The following SEMA3A variants were observed in gnomAD, a reference collection of about 807,000 sequenced individuals.
The protein encoded by SEMA3A is semaphorin-3A.
Under a neutral mutation model 97.9 loss-of-function variants are expected in SEMA3A, and 29 were observed. That is an observed-to-expected ratio of 0.30 (90% CI 0.22 to 0.40). The LOEUF (loss-of-function observed/expected upper bound fraction) is 0.40, where lower values mean the gene tolerates loss of function less well. SEMA3A is among the 10% of genes least tolerant of loss of function. The pLI is 1.00. For missense variants in SEMA3A, 763 were observed against 951.3 expected (o/e 0.80, Z 2.60); for synonymous variants, 321 against 323.7 (o/e 0.99, Z 0.09).
chr7:84,166,614 T>A (rs898113999), intron 1 of SEMA3A, among the ~76,000 whole-genome samples: 5 of 150,928 alleles, frequency 3.3e-5, no homozygotes, highest in African/African-American at 1.2e-4. Flanking sequence ...GGCTCACGCC[T>A]GTAATCCCAG....
intron 1 of SEMA3A, among the ~76,000 whole-genome samples, chr7:84,423,630 T>C (rs1397823583): frequency 6.6e-6 from 1 of 152,088 alleles, no homozygotes; most frequent in African/African-American, 2.4e-5. Flanking sequence ...TCTATCTATA[T>C]GTTCATTTGT....
intron 3 of SEMA3A, among the ~76,000 whole-genome samples, chr7:84,228,483 T>A (rs1035188193): frequency 7.9e-5 from 12 of 152,132 alleles, no homozygotes; most frequent in African/African-American, 2.7e-4. Flanking sequence ...ATCTTGTTTA[T>A]CTTCTGTGTC....
chr7:84,031,755 G>A (rs1791766372), intron 6 of SEMA3A, among the ~76,000 whole-genome samples: 1 of 152,094 alleles, frequency 6.6e-6, no homozygotes, highest in Admixed American at 6.5e-5. Context: ...AGAATTGCTT[G>A]AACCTAGGAG....
intron 1 of SEMA3A, among the ~76,000 whole-genome samples, chr7:84,163,518 C>A (rs1260791786): frequency 3.9e-4 from 60 of 152,026 alleles, no homozygotes; most frequent in Non-Finnish European, 1.3e-4. Flanking sequence ...AAATAATGTG[C>A]ACATTCTGAT....
rs554456086 is a variant in SEMA3A at position 84,329,489 on chromosome 7, C to T, written c.-168-22197G>A. Among the ~76,000 whole-genome samples, 6 of 151,988 alleles carry T rather than the reference C, an allele frequency of 3.9e-5. No homozygotes were observed. The South Asian group carries it at 1.0e-3, about 26-fold the overall frequency. ...ACAATACTTCTCCCAATGTGGCCCA[C>T]GGGAGCCAAAAGGCTGGACATGTGT... On this transcript the variant is annotated intron_variant, in intron 2 of 3. Coordinates refer to the SEMA3A transcript ENST00000424555.
chr7:84,064,042 G>A (rs1793372037), intron 4 of SEMA3A, among the ~76,000 whole-genome samples: 1 of 152,044 alleles, frequency 6.6e-6, no homozygotes, highest in Non-Finnish European at 1.5e-5. Flanking sequence ...ACCCACAAAG[G>A]GAAGCCCATC....
At chr7:84,018,233 T>G (rs1316503880) in intron 6 of SEMA3A, among the ~76,000 whole-genome samples, 4 of 152,166 alleles carry the variant, frequency 2.6e-5, no homozygotes, top group Non-Finnish European at 5.9e-5. Flanking sequence ...CGAATTTCTC[T>G]TCCTTTCAGG....
intron 1 of SEMA3A, among the ~76,000 whole-genome samples, chr7:84,190,962 T>TACAC (rs3077844): frequency 1.4e-5 from 2 of 147,162 alleles, no homozygotes; most frequent in Non-Finnish European, 3.0e-5. Flanking sequence ...TATTGGTATA[T>TACAC]ACACACACAC....
At chr7:84,463,237 CTTTTT>C (rs59465422) in intron 1 of SEMA3A, among the ~76,000 whole-genome samples, 17 of 71,366 alleles carry the variant, frequency 2.4e-4, no homozygotes, top group African/African-American at 8.4e-4. Context: ...TGTAACTATT[CTTTTT>C]TTTTTTTTTT....
At chr7:84,081,534 A>G (rs1199374633) in intron 4 of SEMA3A, among the ~76,000 whole-genome samples, 1 of 150,618 alleles carries the variant, frequency 6.6e-6, no homozygotes, top group Non-Finnish European at 1.5e-5. Context: ...CGGAGCTTGC[A>G]GTGAGCCAAG....
At chr7:84,389,834 C>T (rs1034043779) in intron 1 of SEMA3A, among the ~76,000 whole-genome samples, 2 of 152,024 alleles carry the variant, frequency 1.3e-5, no homozygotes, top group East Asian at 3.9e-4. Flanking sequence ...GGAGTGTTTA[C>T]GTTTTAAACT....
At chr7:84,365,134 A>G (rs1282590270) in intron 2 of SEMA3A, among the ~76,000 whole-genome samples, 1 of 151,636 alleles carries the variant, frequency 6.6e-6, no homozygotes, top group Admixed American at 6.6e-5. Flanking sequence ...TGTAGGGAGA[A>G]TTGAGGGGTG....
chr7:84,199,863 T>C (rs1238749585), upstream of SEMA3A, among the ~76,000 whole-genome samples: 1 of 152,174 alleles, frequency 6.6e-6, no homozygotes, highest in African/African-American at 2.4e-5. Context: ...GGAACTACTG[T>C]AGTTGTTGCT....
chr7:84,342,018 G>A (rs1468213), intron 2 of SEMA3A, among the ~76,000 whole-genome samples: 9,701 of 151,902 alleles, frequency 0.064, 359 homozygotes, highest in East Asian at 0.13. Flanking sequence ...TATCAAGTCA[G>A]ATTCGTTTGT....
At chr7:84,229,469 T>C (rs1799068041) in intron 3 of SEMA3A, among the ~76,000 whole-genome samples, 1 of 152,154 alleles carries the variant, frequency 6.6e-6, no homozygotes, top group African/African-American at 2.4e-5. Flanking sequence ...AACCTTGGAT[T>C]GCTGATTAAG....
At chr7:84,462,141 A>G (rs564479414) in intron 1 of SEMA3A, among the ~76,000 whole-genome samples, 1 of 152,090 alleles carries the variant, frequency 6.6e-6, no homozygotes, top group African/African-American at 2.4e-5. Flanking sequence ...TTTATAAAGC[A>G]TTTTCCCATA....
chr7:84,064,545 C>G (rs1353800125), intron 4 of SEMA3A, among the ~76,000 whole-genome samples: 1 of 152,032 alleles, frequency 6.6e-6, no homozygotes. Flanking sequence ...CAGAGACACA[C>G]ATAGGCTCAA....
chr7:84,412,923 AAC>A (rs369793285), intron 1 of SEMA3A, among the ~76,000 whole-genome samples: 1 of 151,654 alleles, frequency 6.6e-6, no homozygotes, highest in Non-Finnish European at 1.5e-5. Flanking sequence ...TTCCTTCCAA[AAC>A]ACACACACAC....
At chr7:84,180,370 G>T (rs1797705187) in intron 1 of SEMA3A, among the ~76,000 whole-genome samples, 1 of 151,890 alleles carries the variant, frequency 6.6e-6, no homozygotes, top group African/African-American at 2.4e-5. Flanking sequence ...TTCTATTTTT[G>T]AAAATTTTGT....
Sources: allele counts gnomAD v4.1 joint callset (sites outside exome capture counted in the v4.1 genomes callset), GRCh38; gene constraint gnomAD v4.1.1; transcripts MANE v1.5; gene names NCBI Gene and HGNC (gene_info 2026-07-23, HGNC 2026-07-21).